ARHGEF3: variants seen among roughly 807,000 people sequenced by gnomAD.
ARHGEF3 encodes the protein Rho guanine nucleotide exchange factor 3, also known as 59.8 kDA protein.
In ARHGEF3, 28 loss-of-function variants were observed where a neutral mutation model predicts 63.2. The ratio of observed to expected loss-of-function variants is 0.44; its 90% CI spans 0.33 to 0.61. The LOEUF (loss-of-function observed/expected upper bound fraction) is 0.61. Among genes scored for constraint, ARHGEF3 ranks in the 20% least tolerant of loss-of-function variants. ARHGEF3 has a pLI of 0.03. For missense variants in ARHGEF3, 533 were observed against 659.3 expected, an observed-to-expected ratio of 0.81 and a Z score of 2.10; for synonymous variants, 266 against 254.2, an observed-to-expected ratio of 1.05 and a Z score of -0.44.
intron 2 of ARHGEF3, among the ~76,000 whole-genome samples, chr3:57,031,284 T>C (rs948161513): frequency 2.0e-5 from 3 of 152,192 alleles, no homozygotes; most frequent in African/African-American, 4.8e-5. Flanking sequence ...AGATGAGAAA[T>C]TGTGTTTACT....
chr3:56,843,441 T>G (rs2039382805), intron 4 of ARHGEF3, among the ~76,000 whole-genome samples: 1 of 151,888 alleles, frequency 6.6e-6, no homozygotes, highest in Non-Finnish European at 1.5e-5. Context: ...GTAATTTTTT[T>G]TTTTTTATAG....
intron 4 of ARHGEF3, among the ~76,000 whole-genome samples, chr3:56,863,600 A>G (rs1219051149): frequency 1.3e-5 from 2 of 149,942 alleles, no homozygotes; most frequent in African/African-American, 4.9e-5. Flanking sequence ...ACACCTGGCC[A>G]TTTTTGTATT....
At chr3:56,908,329 C>T (rs1037942252) in intron 3 of ARHGEF3, among the ~76,000 whole-genome samples, 6 of 152,226 alleles carry the variant, frequency 3.9e-5, no homozygotes, top group Non-Finnish European at 8.8e-5. Context: ...CAAATTCCTC[C>T]CTTGCTCTGT....
At chr3:56,910,970 G>A (rs73086331) in intron 3 of ARHGEF3, among the ~76,000 whole-genome samples, 16,603 of 152,190 alleles carry the variant, frequency 0.11, 1,044 homozygotes, top group Middle Eastern at 0.15. Context: ...CACAGAGTAA[G>A]TGACAGTGAG....
chr3:56,739,275 G>C (rs370137956), intron 7 of ARHGEF3, among the ~76,000 whole-genome samples: 3 of 151,870 alleles, frequency 2.0e-5, no homozygotes, highest in East Asian at 3.9e-4. Context: ...TTACTTAAAA[G>C]AAAAGCCAAT....
chr3:57,035,274 G>A, intron 1 of ARHGEF3: 1 of 591,532 alleles, frequency 1.7e-6, no homozygotes, highest in South Asian at 4.1e-5. Context: ...AATATATCAA[G>A]GGTTACCCAG....
At chr3:56,735,528 C>T (rs1339396171) in intron 8 of ARHGEF3, among the ~76,000 whole-genome samples, 4 of 152,224 alleles carry the variant, frequency 2.6e-5, no homozygotes, top group African/African-American at 9.6e-5. Flanking sequence ...ATCTTTATGC[C>T]TTAGGCACAT....
At chr3:56,878,290 G>C (rs906947965) in intron 4 of ARHGEF3, among the ~76,000 whole-genome samples, 1 of 152,156 alleles carries the variant, frequency 6.6e-6, no homozygotes, top group Non-Finnish European at 1.5e-5. Flanking sequence ...ATCCTCTGAC[G>C]TGAGGGGAGA....
At chr3:56,846,941 A>C (rs142265573) in intron 4 of ARHGEF3, among the ~76,000 whole-genome samples, 1 of 152,288 alleles carries the variant, frequency 6.6e-6, no homozygotes, top group East Asian at 1.9e-4. Context: ...TTCTTACAGG[A>C]TTTATTTACA....
At chr3:56,775,075 AAG>A in intron 1 of ARHGEF3, 2 of 1,551,412 alleles carry the variant, frequency 1.3e-6, no homozygotes, top group Non-Finnish European at 1.7e-6. Context: ...TTGATGGGCA[AAG>A]CCAAAGTAGC....
At chr3:57,076,870 C>T (rs577943668) in intron 1 of ARHGEF3, 18 of 152,294 alleles carry the variant, frequency 1.2e-4, no homozygotes, top group African/African-American at 4.1e-4. Flanking sequence ...CTACATTCTC[C>T]TTGGTGGATG....
At chr3:56,977,526 C>T (rs1196189049) in intron 2 of ARHGEF3, among the ~76,000 whole-genome samples, 3 of 152,210 alleles carry the variant, frequency 2.0e-5, no homozygotes, top group Admixed American at 1.3e-4. Context: ...TACCTGCCCC[C>T]AACTTGCTCA....
chr3:56,826,075 G>GTT (rs1309130512), intron 4 of ARHGEF3, among the ~76,000 whole-genome samples: 1 of 152,208 alleles, frequency 6.6e-6, no homozygotes, highest in East Asian at 1.9e-4. Flanking sequence ...AAGGGGGTAA[G>GTT]CTTGGCACTC....
chr3:56,839,223 C>T (rs889922743), intron 4 of ARHGEF3, among the ~76,000 whole-genome samples: 2 of 151,908 alleles, frequency 1.3e-5, no homozygotes, highest in African/African-American at 4.8e-5. Context: ...TACATTTGTG[C>T]ATTTGCATAC....
upstream of ARHGEF3, chr3:56,802,019 G>A (rs1710002433): frequency 2.1e-6 from 3 of 1,428,504 alleles, no homozygotes; most frequent in African/African-American, 1.5e-5. Flanking sequence ...GCGGGCCGCC[G>A]GCTCGGCACC....
intron 3 of ARHGEF3, among the ~76,000 whole-genome samples, chr3:56,943,543 T>G (rs1247528363): frequency 1.3e-5 from 2 of 152,218 alleles, no homozygotes; most frequent in African/African-American, 4.8e-5. Context: ...GCTGTTTTCA[T>G]GCCTGCTAAC....
At position 56,999,954 on chromosome 3, in the gene ARHGEF3, C is replaced by T. The variant is rs556623262; in HGVS notation, c.62+35134G>A. 3.9e-5 allele frequency among the ~76,000 whole-genome samples: 6 copies of T among 152,254 alleles called. No individual in the cohort carries two copies. The East Asian group carries it at 9.6e-4, about 24-fold the overall frequency. Reference sequence around the variant, plus strand: ...CATAGGAAACAAGTCCTGTTTTGCTCCATATGCTTGAACCCTGACTCTATC... The same window carrying T: ...CATAGGAAACAAGTCCTGTTTTGCTTCATATGCTTGAACCCTGACTCTATC... On this transcript the variant is annotated intron_variant, in intron 2 of 12. Coordinates refer to the ARHGEF3 transcript ENST00000338458.
rs537483698 is a variant in ARHGEF3, at chr3:56,893,811, C to CAA, written c.130-11459_130-11458dup. 5.3e-4 allele frequency among the ~76,000 whole-genome samples: 42 copies of CAA among 79,554 alleles called. 1 individual carries two copies. The highest frequency in any genetic ancestry group is 7.2e-3 in the Middle Eastern group (1 of 138). 52.2% of individuals were successfully genotyped at this position (79,554 alleles called of 152,430 possible). On this transcript the variant is annotated intron_variant, in intron 3 of 12. Transcript: ENST00000338458. ...ACAGAGCAAGAACAAGACTCTGTCT[C>CAA]AAAAAAAAAAAAAAAAAAAAAAAAA... is the stretch of plus-strand genomic sequence containing the variant.
chr3:56,767,583 CAAA>C (rs541314948), intron 2 of ARHGEF3, among the ~76,000 whole-genome samples: 30 of 77,436 alleles, frequency 3.9e-4, no homozygotes, highest in South Asian at 5.1e-4. Flanking sequence ...GACTCCGTCT[CAAA>C]AAAAAAAAAA....
Sources: gnomAD v4.1 joint callset for allele counts (sites outside exome capture counted in the v4.1 genomes callset) on GRCh38, gnomAD v4.1.1 for gene constraint, MANE v1.5 for transcripts, NCBI Gene and HGNC (gene_info 2026-07-23, HGNC 2026-07-21) for gene names.